Variants in SYNE1 observed in about 807,000 individuals in gnomAD.
SYNE1 encodes nesprin-1.
In SYNE1, 616 loss-of-function variants were observed where a neutral mutation model predicts 1,111.0. That is an observed-to-expected ratio of 0.55 (90% CI 0.52 to 0.59). SYNE1 has a LOEUF of 0.59. SYNE1 is among the 20% of genes least tolerant of loss of function. The probability of loss-of-function intolerance (pLI) is 0.00; values close to 1 mark genes in which losing one functional copy is unlikely to be tolerated. For missense variants in SYNE1, 10,006 were observed against 10,417.0 expected (o/e 0.96, Z 1.72); for synonymous variants, 3,855 against 3,825.8 (o/e 1.01, Z -0.28).
intron 132 of SYNE1, chr6:152,155,532 A>G (rs1781861398): frequency 1.5e-5 from 5 of 341,854 alleles, no homozygotes; most frequent in Non-Finnish European, 2.8e-5. Context: ...GTAACACAGC[A>G]CGATTTTCTG....
chr6:152,488,325 A>G lies in SYNE1; in HGVS notation c.1047+71T>C, dbSNP rs2098952025. ...ATGTAATTTGAAGCATTAAATGGAG[A>G]TCAAATGACATATATAAATATTAGT... On this transcript the variant is annotated intron_variant, in intron 12 of 145. Transcript: ENST00000367255. 8 of 793,246 alleles carry G rather than the reference A, an allele frequency of 1.0e-5. No individual in the cohort carries two copies. The Admixed American group carries it at 1.3e-4, about 13-fold the overall frequency. 49.1% of individuals were successfully genotyped at this position (793,246 alleles called of 1,614,324 possible). A position where few individuals can be genotyped will look rare whatever the true frequency, so the allele number is the denominator to read the frequency against.
chr6:152,425,253 C>T (rs955672720), intron 39 of SYNE1, 128 bp downstream of exon 39: 4 of 957,992 alleles, frequency 4.2e-6, no homozygotes, highest in Admixed American at 2.7e-5. Flanking sequence ...AAGTTTTCTT[C>T]CCTTCTGTAG....
intron 4 of SYNE1, among the ~76,000 whole-genome samples, chr6:152,533,325 C>T (rs1178378917): frequency 6.6e-6 from 1 of 151,964 alleles, no homozygotes; most frequent in Non-Finnish European, 1.5e-5. Flanking sequence ...AATAAATATT[C>T]CAAAGGCAAT....
chr6:152,298,967 T>C (rs1439607853), intron 93 of SYNE1, among the ~76,000 whole-genome samples: 2 of 152,188 alleles, frequency 1.3e-5, no homozygotes, highest in East Asian at 1.9e-4. Flanking sequence ...TGCAATTTAA[T>C]TGATGTTTTC....
chr6:152,310,110 T>A, intron 89 of SYNE1, 93 bp from the exon 90 acceptor site: 1 of 1,381,830 alleles, frequency 7.2e-7, no homozygotes, highest in Non-Finnish European at 9.5e-7. Context: ...TTGCAAGTTA[T>A]AAACATTTTG....
At chr6:152,386,932 T>TAGAGCAGCCAATTCTCCA in intron 54 of SYNE1, 140 bp downstream of exon 54, 1 of 684,724 alleles carries the variant, frequency 1.5e-6, no homozygotes, top group South Asian at 2.9e-5. Context: ...CAAATAGTTT[T>TAGAGCAGCCAATTCTCCA]AGAGCAGCCA....
At chr6:152,166,592 G>A (rs117597571) in intron 130 of SYNE1, among the ~76,000 whole-genome samples, 7,046 of 152,176 alleles carry the variant, frequency 0.046, 223 homozygotes, top group Middle Eastern at 0.12. Context: ...TTGTAATATC[G>A]AATGAGTTCC....
At chr6:152,402,056 C>G (rs988627786) in intron 46 of SYNE1, among the ~76,000 whole-genome samples, 6 of 151,918 alleles carry the variant, frequency 3.9e-5, no homozygotes, top group African/African-American at 1.5e-4. Context: ...ATCTTTCTTT[C>G]TCTTCCTTCA....
chr6:152,447,711 C>CAGGTGGAG, intron 28 of SYNE1, 89 bp from the exon 29 acceptor site: 1 of 1,491,238 alleles, frequency 6.7e-7, no homozygotes, highest in Non-Finnish European at 9.3e-7. Flanking sequence ...AAAAGGTTTG[C>CAGGTGGAG]AGGTGGAGCA....
intron 140 of SYNE1, among the ~76,000 whole-genome samples, chr6:152,137,736 T>G (rs375974451): frequency 7.9e-5 from 12 of 152,302 alleles, no homozygotes; most frequent in East Asian, 1.9e-4. Flanking sequence ...TCCCAATCTG[T>G]CTTGATTTTG....
chr6:152,125,352 C>A (rs2813563), intron 145 of SYNE1: 1 of 1,549,738 alleles, frequency 6.5e-7, no homozygotes, highest in Non-Finnish European at 8.7e-7. Context: ...TGTCTAAAGC[C>A]TCTGGTCATA....
In SYNE1 at chr6:152,294,134, G is replaced by C. The variant is rs776114384; in HGVS notation, c.17683-7C>G. ...CTTGGTAATATGCAATGTCCTGTGA[G>C]TGCAAAGCACAGTATTGAATTAAAC... On this transcript the variant is annotated splice_region_variant and splice_polypyrimidine_tract_variant and intron_variant, in intron 93 of 145. Coordinates refer to ENST00000367255, the MANE Select transcript of SYNE1 (RefSeq NM_182961.4). 1 of 1,613,044 alleles carries C rather than the reference G, an allele frequency of 6.2e-7. No homozygotes were observed. Among genetic ancestry groups the C allele is most frequent in the African/African-American group, 1.3e-5 (1 of 74,892 alleles).
At chr6:152,207,465 G>A (rs758008152) in intron 125 of SYNE1, among the ~76,000 whole-genome samples, 9 of 152,166 alleles carry the variant, frequency 5.9e-5, no homozygotes, top group Non-Finnish European at 1.0e-4. Context: ...CGAAAGAACA[G>A]TGACTTTAAG....
intron 14 of SYNE1, among the ~76,000 whole-genome samples, chr6:152,474,123 C>T (rs1401028400): frequency 6.6e-6 from 1 of 151,598 alleles, no homozygotes; most frequent in Non-Finnish European, 1.5e-5. Flanking sequence ...AGGTGGAGGT[C>T]GCAGTGAGGG....
intron 95 of SYNE1, among the ~76,000 whole-genome samples, chr6:152,287,352 C>T (rs2094390507): frequency 1.3e-5 from 2 of 152,100 alleles, no homozygotes; most frequent in Non-Finnish European, 2.9e-5. Flanking sequence ...GCTCTGGGCT[C>T]GAATTCTGTT....
At chr6:152,328,703 C>T (rs1009468055) in intron 78 of SYNE1, among the ~76,000 whole-genome samples, 6 of 152,216 alleles carry the variant, frequency 3.9e-5, no homozygotes, top group Non-Finnish European at 5.9e-5. Flanking sequence ...TGAGCCACCG[C>T]GCCCAGCCCT....
chr6:152,143,820 G>A (rs556166520), intron 137 of SYNE1, 55 bp from the exon 138 acceptor site: 2 of 1,611,538 alleles, frequency 1.2e-6, no homozygotes, highest in South Asian at 1.1e-5. Flanking sequence ...CTTATTTAAA[G>A]CTTGATATTC....
At chr6:152,405,610 G>T (rs2097886457) in intron 45 of SYNE1, among the ~76,000 whole-genome samples, 1 of 152,204 alleles carries the variant, frequency 6.6e-6, no homozygotes. Context: ...AATAATGGTT[G>T]TTTTTAACAG....
intron 87 of SYNE1, chr6:152,311,235 C>T (rs1399830713): frequency 3.8e-6 from 1 of 262,888 alleles, no homozygotes; most frequent in Non-Finnish European, 7.4e-6. Context: ...TCTGGGTCTC[C>T]ATTTTCTCAT....
Sources: allele counts gnomAD v4.1 joint callset (sites outside exome capture counted in the v4.1 genomes callset), GRCh38; gene constraint gnomAD v4.1.1; transcripts MANE v1.5; gene names NCBI Gene and HGNC (gene_info 2026-07-23, HGNC 2026-07-21).